Variants in CMPK1 observed in about 807,000 individuals in gnomAD.
CMPK1 encodes cytidine/uridine monophosphate kinase 1.
CMPK1 carries 10 observed loss-of-function variants against 25.7 expected under a neutral mutation model. The ratio of observed to expected loss-of-function variants is 0.39; its 90% CI spans 0.24 to 0.66. The LOEUF (loss-of-function observed/expected upper bound fraction) is 0.66. Ranked by LOEUF, CMPK1 falls within the 30% of genes least tolerant of loss-of-function variation. CMPK1 has a pLI of 0.48. For synonymous variants in CMPK1, 106 were observed against 101.5 expected (o/e 1.04, Z -0.27); for missense variants, 199 against 280.5 (o/e 0.71, Z 2.08).
intron 1 of CMPK1, among the ~76,000 whole-genome samples, 173 bp downstream of exon 1, chr1:47,334,289 G>A (rs1364517659): frequency 1.3e-5 from 2 of 151,776 alleles, no homozygotes; most frequent in East Asian, 3.9e-4. Context: ...GCGGCGTGCC[G>A]GGACTTGTAG....
intron 3 of CMPK1, 42 bp downstream of exon 3, chr1:47,373,149 T>G: frequency 6.5e-7 from 1 of 1,533,912 alleles, no homozygotes; most frequent in Non-Finnish European, 8.8e-7. Context: ...TTTAAGCAAC[T>G]GTTAGTCAAC....
intron 1 of CMPK1, among the ~76,000 whole-genome samples, chr1:47,349,689 G>A (rs1646508358): frequency 6.6e-6 from 1 of 152,156 alleles, no homozygotes; most frequent in African/African-American, 2.4e-5. Flanking sequence ...TTGCTTGTGT[G>A]TATTTTTAAT....
intron 1 of CMPK1, among the ~76,000 whole-genome samples, chr1:47,353,473 T>G (rs1646536451): frequency 6.6e-6 from 1 of 152,208 alleles, no homozygotes; most frequent in Admixed American, 6.5e-5. Flanking sequence ...CTTGAATTGA[T>G]TTTTGTATTT....
chr1:47,334,119 G>A lies in CMPK1; in HGVS notation c.171+3G>A. On this transcript the variant is annotated splice_donor_region_variant and intron_variant, in intron 1 of 5. Coordinates refer to ENST00000371873, the MANE Select transcript of CMPK1 (RefSeq NM_016308.3). ...CCCAGTGCGCCCGCATCGTCGAGGT[G>A]AGGCCCGGGCAGCAGGCGGGCTCCT... The A allele has an allele frequency of 6.6e-7, 1 of 1,506,454 alleles. No homozygotes were observed. Among genetic ancestry groups the A allele is most frequent in the Non-Finnish European group, 8.9e-7 (1 of 1,123,802 alleles). The allele number at this position is 1,506,454 out of a possible 1,614,324, so 93.3% of individuals were successfully genotyped here.
In CMPK1 at chr1:47,334,002, G is replaced by C; in HGVS notation, c.57G>C (p.Leu19=). Residue 19 remains leucine (L), a synonymous_variant, in exon 1 of 6, where the codon CTG becomes CTC. Transcript: ENST00000371873. The part of the protein sequence containing the change: ...LLHVLGLSFL[L]QTRRPILLCS... Reference sequence around the variant, plus strand: ...ACGTCCTGGGCCTTAGCTTCCTGCTGCAGACCCGCCGGCCGATTCTCCTCT... The same window carrying C: ...ACGTCCTGGGCCTTAGCTTCCTGCTCCAGACCCGCCGGCCGATTCTCCTCT... 1 of 1,544,756 alleles carries C rather than the reference G, an allele frequency of 6.5e-7. No individual in the cohort carries two copies. Among genetic ancestry groups the C allele is most frequent in the Non-Finnish European group, 8.7e-7 (1 of 1,145,502 alleles).
chr1:47,338,372 A>G (rs1346876517), intron 1 of CMPK1, among the ~76,000 whole-genome samples: 1 of 152,226 alleles, frequency 6.6e-6, no homozygotes, highest in Admixed American at 6.5e-5. Flanking sequence ...TAGAGAAGGT[A>G]AAGGCAAATC....
At chr1:47,358,319 C>A in intron 1 of CMPK1, 2 of 665,658 alleles carry the variant, frequency 3.0e-6, no homozygotes, top group Non-Finnish European at 4.8e-6. Context: ...TGCTATGGTG[C>A]ATAGGCTGAT....
At chr1:47,367,544 T>G (rs543946438) in intron 1 of CMPK1, among the ~76,000 whole-genome samples, 83 of 152,310 alleles carry the variant, frequency 5.4e-4, no homozygotes, top group Middle Eastern at 6.8e-3. Flanking sequence ...AAAGATAACA[T>G]TTAATTTATC....
At chr1:47,367,006 G>C (rs1284306340) in intron 1 of CMPK1, among the ~76,000 whole-genome samples, 1 of 152,070 alleles carries the variant, frequency 6.6e-6, no homozygotes, top group African/African-American at 2.4e-5. Flanking sequence ...GATTATAGGT[G>C]TGAGCCACCG....
chr1:47,345,703 C>A (rs1284533504), intron 1 of CMPK1, among the ~76,000 whole-genome samples: 1 of 151,040 alleles, frequency 6.6e-6, no homozygotes, highest in African/African-American at 2.4e-5. Context: ...GTGATCCCCC[C>A]ACCTCGGCCT....
At chr1:47,360,358 A>G (rs912296574) in intron 1 of CMPK1, among the ~76,000 whole-genome samples, 14 of 152,176 alleles carry the variant, frequency 9.2e-5, no homozygotes, top group African/African-American at 1.7e-4. Context: ...TACGTTTCCT[A>G]TAGGGTCCAT....
Position 47,368,549 on chromosome 1 carries a change from T to C in CMPK1, c.252T>C (p.Leu84=), listed in dbSNP as rs374560186. Reference sequence around the variant, plus strand: ...ACCCAGATTCACAGTATGGTGAACTTATTGAAAAGTACATTAAAGAAGGAA... The same window carrying C: ...ACCCAGATTCACAGTATGGTGAACTCATTGAAAAGTACATTAAAGAAGGAA... ...RKNPDSQYGE[L]IEKYIKEGKI... is the part of the protein sequence containing the mutation. The change falls in exon 2 of 6, where the codon CTT becomes CTC. Residue 84 remains leucine (L), a synonymous_variant. Transcript: ENST00000371873. The C allele has an allele frequency of 1.2e-6, 2 of 1,612,532 alleles. No homozygotes were observed. Among genetic ancestry groups the C allele is most frequent in the African/African-American group, 1.3e-5 (1 of 74,898 alleles).
intron 2 of CMPK1, among the ~76,000 whole-genome samples, chr1:47,371,370 T>C (rs561343478): frequency 6.6e-6 from 1 of 152,320 alleles, no homozygotes; most frequent in East Asian, 1.9e-4. Context: ...TCTCTACTTT[T>C]CCACTCTCTA....
In CMPK1 at chr1:47,348,811, C is replaced by G. The variant is rs140398704; in HGVS notation, c.171+14695C>G. Among the ~76,000 whole-genome samples, 343 of 152,242 alleles carry G rather than the reference C, an allele frequency of 2.3e-3. 1 individual carries two copies. Among genetic ancestry groups the G allele is most frequent in the African/African-American group, 7.8e-3 (324 of 41,556 alleles). On this transcript the variant is annotated intron_variant, in intron 1 of 5. Coordinates refer to ENST00000371873, the MANE Select transcript of CMPK1 (RefSeq NM_016308.3). ...TTACATGTTTAATTTAACCCACAAG[C>G]TTTACCTGTATAATTATGTATGATT...
intron 2 of CMPK1, among the ~76,000 whole-genome samples, chr1:47,371,821 T>C (rs910279280): frequency 3.9e-5 from 6 of 152,174 alleles, no homozygotes; most frequent in African/African-American, 1.4e-4. Context: ...AGGCCTTTAT[T>C]TGAATGTCTC....
Position 47,333,902 on chromosome 1 carries a change from C to T in CMPK1, c.-44C>T. On this transcript the variant is annotated 5_prime_UTR_variant, in exon 1 of 6. Coordinates refer to ENST00000371873, the MANE Select transcript of CMPK1 (RefSeq NM_016308.3). ...CCTCCCCGCCCCGCCCCGCGCCGCG[C>T]CGGCCGCTGTCAGCTCCCTCAGCGT... 8.2e-7 allele frequency: 1 copy of T among 1,218,606 alleles called. No homozygotes were observed. Among genetic ancestry groups the T allele is most frequent in the Non-Finnish European group, 1.0e-6 (1 of 969,824 alleles). The allele number at this position is 1,218,606 out of a possible 1,614,324, so 75.5% of individuals were successfully genotyped here. A position where few individuals can be genotyped will look rare whatever the true frequency, so the allele number is the denominator to read the frequency against.
At chr1:47,369,284 G>A (rs1455975709) in intron 2 of CMPK1, among the ~76,000 whole-genome samples, 1 of 152,160 alleles carries the variant, frequency 6.6e-6, no homozygotes, top group Admixed American at 6.5e-5. Flanking sequence ...GGGATTACAG[G>A]AGAGAGCCAC....
At position 47,333,985 on chromosome 1, in the gene CMPK1, G is replaced by A. The variant is rs1196898662; in HGVS notation, c.40G>A (p.Gly14Ser). Residue 14 changes from glycine (G) to serine (S), a missense_variant, in exon 1 of 6, where the codon GGC (glycine) becomes AGC (serine). Coordinates refer to ENST00000371873, the MANE Select transcript of CMPK1 (RefSeq NM_016308.3). The part of the protein sequence containing the change: ...RCRSGLLHVL[G>S]LSFLLQTRRP... ...CCGCAGCGGGCTGCTCCACGTCCTG[G>A]GCCTTAGCTTCCTGCTGCAGACCCG... The A allele has an allele frequency of 6.5e-7, 1 of 1,537,004 alleles. No homozygotes were observed. The highest frequency in any genetic ancestry group is 8.8e-7 in the Non-Finnish European group (1 of 1,140,932).
At chr1:47,348,069 A>G (rs1445143052) in intron 1 of CMPK1, among the ~76,000 whole-genome samples, 3 of 119,908 alleles carry the variant, frequency 2.5e-5, no homozygotes. Flanking sequence ...TGCTAATGCA[A>G]AAGGATTGTA....
Sources: allele counts gnomAD v4.1 joint callset (sites outside exome capture counted in the v4.1 genomes callset), GRCh38; gene constraint gnomAD v4.1.1; transcripts MANE v1.5; gene names NCBI Gene and HGNC (gene_info 2026-07-23, HGNC 2026-07-21).